The following LRFN5 variants were observed in gnomAD, a reference collection of about 807,000 sequenced individuals.
LRFN5 encodes the protein leucine-rich repeat and fibronectin type-III domain-containing protein 5.
A neutral mutation model predicts 45.6 loss-of-function variants in LRFN5; 24 were observed. The observed-to-expected ratio is 0.53, with a 90% confidence interval of 0.38 to 0.74. The LOEUF is 0.74. Among genes scored for constraint, LRFN5 ranks in the 30% least tolerant of loss-of-function variants. The pLI is 0.00. For missense variants in LRFN5, 776 were observed against 861.5 expected (o/e 0.90, Z 1.24); for synonymous variants, 340 against 313.8 (o/e 1.08, Z -0.88).
intron 1 of LRFN5, among the ~76,000 whole-genome samples, chr14:41,755,218 G>A (rs1249619231): frequency 1.3e-5 from 2 of 152,164 alleles, no homozygotes; most frequent in East Asian, 3.9e-4. Flanking sequence ...GTGCAGTGTG[G>A]TGCTGAGAAG....
intron 2 of LRFN5, among the ~76,000 whole-genome samples, chr14:41,816,804 G>C (rs879515570): frequency 6.6e-6 from 1 of 151,548 alleles, no homozygotes; most frequent in Non-Finnish European, 1.5e-5. Context: ...TCTGTGATTT[G>C]GTGTCTAAAC....
At chr14:41,771,141 A>G (rs908817228) in intron 2 of LRFN5, among the ~76,000 whole-genome samples, 4 of 151,136 alleles carry the variant, frequency 2.6e-5, no homozygotes, top group African/African-American at 9.7e-5. Context: ...AAGGCTGCTC[A>G]GGGCAGTGGG....
At position 41,757,714 on chromosome 14, in the gene LRFN5, C is replaced by T. The variant is rs145382158; in HGVS notation, c.-196-9140C>T. Among the ~76,000 whole-genome samples the T allele has an allele frequency of 2.2e-4, 34 of 152,302 alleles. No homozygotes were observed. In the East Asian group the frequency reaches 2.5e-3, roughly 11 times the overall value. On this transcript the variant is annotated intron_variant, in intron 1 of 5. Coordinates refer to ENST00000298119, the MANE Select transcript of LRFN5 (RefSeq NM_152447.5). ...GACCCCTTGCGCTTGCCAGGTGAGG[C>T]GATGCCTTGCCCTGCTTTGGCTCAC...
intron 2 of LRFN5, among the ~76,000 whole-genome samples, chr14:41,844,361 C>T (rs1194748217): frequency 1.3e-5 from 2 of 150,624 alleles, no homozygotes; most frequent in Non-Finnish European, 1.5e-5. Context: ...GGCGTGAACC[C>T]AGGAGGCAGA....
intron 2 of LRFN5, among the ~76,000 whole-genome samples, chr14:41,808,294 C>T (rs1887597152): frequency 8.6e-6 from 1 of 116,686 alleles, no homozygotes; most frequent in Non-Finnish European, 1.7e-5. Flanking sequence ...AAATAGTATA[C>T]CCAATTGTGG....
At chr14:41,894,563 A>C (rs930742886) in intron 4 of LRFN5, 1 of 968,572 alleles carries the variant, frequency 1.0e-6, no homozygotes, top group Non-Finnish European at 1.2e-6. Flanking sequence ...CTGGCTTATC[A>C]AGAAGGTCAA....
chr14:41,648,888 A>G (rs922948863), intron 1 of LRFN5, among the ~76,000 whole-genome samples: 2 of 152,210 alleles, frequency 1.3e-5, no homozygotes, highest in African/African-American at 2.4e-5. Flanking sequence ...CTTGCCCTGT[A>G]AACTTCTATC....
At chr14:41,821,761 G>A (rs533207441) in intron 2 of LRFN5, among the ~76,000 whole-genome samples, 21 of 146,554 alleles carry the variant, frequency 1.4e-4, no homozygotes, top group Admixed American at 2.7e-4. Flanking sequence ...GTTCCTGGGC[G>A]TGGGGTGGGG....
chr14:41,623,351 C>T lies in LRFN5; in HGVS notation c.-197+14789C>T, dbSNP rs1255919403. Among the ~76,000 whole-genome samples the T allele has an allele frequency of 2.0e-5, 3 of 152,024 alleles. No individual in the cohort carries two copies. The East Asian group carries it at 5.8e-4, about 29-fold the overall frequency. On this transcript the variant is annotated intron_variant, in intron 1 of 5. Coordinates refer to ENST00000298119, the MANE Select transcript of LRFN5 (RefSeq NM_152447.5). ...ACTTTCCACCATGATGGTAAGTTTC[C>T]CGAGGCTTCCCCAGCCATGCTAAAC...
intron 2 of LRFN5, among the ~76,000 whole-genome samples, chr14:41,834,436 C>G (rs77071620): frequency 0.018 from 2,769 of 152,204 alleles, 34 homozygotes; most frequent in African/African-American, 0.038. Flanking sequence ...CTTTTTGAAC[C>G]CAACTACACT....
At chr14:41,705,435 C>T (rs560312683) in intron 1 of LRFN5, among the ~76,000 whole-genome samples, 130 of 152,184 alleles carry the variant, frequency 8.5e-4, no homozygotes, top group Middle Eastern at 6.8e-3. Flanking sequence ...ATAATACATA[C>T]TATTTTGCAT....
Position 41,824,630 on chromosome 14 carries a change from T to A in LRFN5, c.-21+57601T>A, listed in dbSNP as rs372112143. ...CCTCCAGGCCAGTAGGTGGTGTTTA[T>A]GGGTAAAAGCTGTAGCAGAAGCAAA... On this transcript the variant is annotated intron_variant, in intron 2 of 5. Transcript: ENST00000298119. 1.1e-4 allele frequency among the ~76,000 whole-genome samples: 16 copies of A among 152,244 alleles called. No individual in the cohort carries two copies. In the South Asian group the frequency reaches 3.3e-3, roughly 32 times the overall value.
intron 1 of LRFN5, among the ~76,000 whole-genome samples, chr14:41,612,059 A>G (rs973420474): frequency 2.0e-4 from 31 of 152,146 alleles, no homozygotes; most frequent in African/African-American, 7.0e-4. Flanking sequence ...TCCTTTGTCC[A>G]TTTATATCAG....
At chr14:41,786,397 T>G (rs919161540) in intron 2 of LRFN5, among the ~76,000 whole-genome samples, 7 of 152,048 alleles carry the variant, frequency 4.6e-5, no homozygotes, top group African/African-American at 1.7e-4. Context: ...AATTTAACAT[T>G]TTTTCTTTCA....
intron 1 of LRFN5, among the ~76,000 whole-genome samples, chr14:41,727,032 G>T (rs953135038): frequency 6.6e-6 from 1 of 152,016 alleles, no homozygotes; most frequent in Non-Finnish European, 1.5e-5. Flanking sequence ...TATGAAACTT[G>T]TGCACTATGC....
rs1765308954 is a variant in LRFN5 at position 41,786,066 on chromosome 14, T to C, written c.-21+19037T>C. Among the ~76,000 whole-genome samples the C allele has an allele frequency of 2.6e-5, 4 of 152,190 alleles. No homozygotes were observed. The South Asian group carries it at 8.3e-4, about 31-fold the overall frequency. On this transcript the variant is annotated intron_variant, in intron 2 of 5. Transcript: ENST00000298119. Reference sequence around the variant, plus strand: ...GGTACAAGAAGCTTACAATGGTTTATGTCTATATTTTTGCTCCTGTCCTTT... The same window carrying C: ...GGTACAAGAAGCTTACAATGGTTTACGTCTATATTTTTGCTCCTGTCCTTT...
chr14:41,829,177 C>T (rs945625097), intron 2 of LRFN5, among the ~76,000 whole-genome samples: 1 of 151,848 alleles, frequency 6.6e-6, no homozygotes, highest in Non-Finnish European at 1.5e-5. Flanking sequence ...TATTTGTCAC[C>T]TCCACCTCCA....
At chr14:41,899,469 T>C (rs1891040779) in intron 5 of LRFN5, among the ~76,000 whole-genome samples, 1 of 152,142 alleles carries the variant, frequency 6.6e-6, no homozygotes, top group South Asian at 2.1e-4. Context: ...ATATTCATGG[T>C]ATTACTTTTG....
intron 4 of LRFN5, chr14:41,892,399 GC>G (rs1890817873): frequency 1.0e-6 from 1 of 984,998 alleles, no homozygotes; most frequent in African/African-American, 1.7e-5. Flanking sequence ...TAGCAGCAGT[GC>G]CTTTCCCTAT....
Sources: gnomAD v4.1 joint callset for allele counts (sites outside exome capture counted in the v4.1 genomes callset) on GRCh38, gnomAD v4.1.1 for gene constraint, MANE v1.5 for transcripts, NCBI Gene and HGNC (gene_info 2026-07-23, HGNC 2026-07-21) for gene names.